SNTB2: variants seen among roughly 807,000 people sequenced by gnomAD.
SNTB2 encodes the protein syntrophin beta 2.
Under a neutral mutation model 46.2 loss-of-function variants are expected in SNTB2, and 34 were observed. The observed-to-expected ratio is 0.74, with a 90% CI of 0.56 to 0.98. The LOEUF (loss-of-function observed/expected upper bound fraction) is 0.98. Among genes scored for constraint, SNTB2 ranks in the 50% least tolerant of loss-of-function variants. The pLI, the probability that SNTB2 is intolerant of heterozygous loss-of-function variation, is 0.00. For missense variants in SNTB2, 603 were observed against 731.4 expected, an observed-to-expected ratio of 0.82 and a Z score of 2.02; for synonymous variants, 290 against 312.6, an observed-to-expected ratio of 0.93 and a Z score of 0.76.
intron 5 of SNTB2, among the ~76,000 whole-genome samples, chr16:69,297,871 G>A (rs1194877935): frequency 6.6e-6 from 1 of 152,016 alleles, no homozygotes; most frequent in East Asian, 1.9e-4. Context: ...CCGAGATCAC[G>A]CCACTGCACC....
At chr16:69,293,280 G>A (rs534227150) in intron 5 of SNTB2, among the ~76,000 whole-genome samples, 1 of 152,172 alleles carries the variant, frequency 6.6e-6, no homozygotes, top group African/African-American at 2.4e-5. Flanking sequence ...CCCAGAAGCT[G>A]TCTATCCATA....
chr16:69,190,417 C>T (rs890993741), intron 1 of SNTB2, among the ~76,000 whole-genome samples: 11 of 152,194 alleles, frequency 7.2e-5, no homozygotes, highest in African/African-American at 2.2e-4. Context: ...ATTCATTCAT[C>T]AGATATTTAC....
chr16:69,228,360 G>A (rs1039196791), intron 1 of SNTB2, among the ~76,000 whole-genome samples: 1 of 151,828 alleles, frequency 6.6e-6, no homozygotes, highest in African/African-American at 2.4e-5. Flanking sequence ...ACAAAAATTA[G>A]CCAGGCATGG....
intron 1 of SNTB2, among the ~76,000 whole-genome samples, chr16:69,240,067 C>G (rs936041268): frequency 6.6e-6 from 1 of 152,060 alleles, no homozygotes; most frequent in South Asian, 2.1e-4. Flanking sequence ...GTGGTACTTA[C>G]GAATAGAGCT....
chr16:69,193,578 C>G (rs1309587459), intron 1 of SNTB2, among the ~76,000 whole-genome samples: 2 of 151,998 alleles, frequency 1.3e-5, no homozygotes, highest in African/African-American at 4.8e-5. Flanking sequence ...ATCCGCCTGC[C>G]TCGGCCTCCC....
chr16:69,193,397 C>T (rs978962397), intron 1 of SNTB2, among the ~76,000 whole-genome samples: 5 of 135,274 alleles, frequency 3.7e-5, no homozygotes, highest in South Asian at 2.4e-4. Context: ...GGCACCATCT[C>T]GGCTCACTGC....
chr16:69,286,509 CCTCAT>C (rs1376439735), intron 5 of SNTB2, among the ~76,000 whole-genome samples: 1 of 151,894 alleles, frequency 6.6e-6, no homozygotes, highest in East Asian at 1.9e-4. Flanking sequence ...AGTGGTGAAA[CCTCAT>C]CTCTACTAAA....
intron 3 of SNTB2, among the ~76,000 whole-genome samples, chr16:69,262,034 C>T (rs1197195755): frequency 6.6e-6 from 1 of 152,020 alleles, no homozygotes; most frequent in Non-Finnish European, 1.5e-5. Context: ...TATGGCAAAA[C>T]CCCATCTCTA....
At chr16:69,198,857 G>A (rs1180094396) in intron 1 of SNTB2, among the ~76,000 whole-genome samples, 2 of 150,878 alleles carry the variant, frequency 1.3e-5, no homozygotes, top group African/African-American at 4.9e-5. Context: ...CTGACTGTAC[G>A]CAAATGCATG....
chr16:69,287,563 G>A (rs1965116240), intron 5 of SNTB2, among the ~76,000 whole-genome samples: 1 of 151,582 alleles, frequency 6.6e-6, no homozygotes, highest in Non-Finnish European at 1.5e-5. Flanking sequence ...GAGTGAGACT[G>A]TTTCCAAAAA....
rs568052229 is a variant in SNTB2, at chr16:69,249,896, C to T, written c.794+4081C>T. On this transcript the variant is annotated intron_variant, in intron 2 of 6. Transcript: ENST00000336278. ...GGTGGATCACTTGATATCAGGAGTT[C>T]GAGACCAGCCTGGCCAACATGGTGA... Among the ~76,000 whole-genome samples, 4 of 152,042 alleles carry T rather than the reference C, an allele frequency of 2.6e-5. No homozygotes were observed. The East Asian group carries it at 5.8e-4, about 22-fold the overall frequency.
chr16:69,245,049 G>A (rs1964655952), intron 1 of SNTB2, among the ~76,000 whole-genome samples: 1 of 152,170 alleles, frequency 6.6e-6, no homozygotes, highest in Non-Finnish European at 1.5e-5. Flanking sequence ...GTTCTATATG[G>A]CTTGAGAAGA....
At chr16:69,221,261 A>T (rs1003693318) in intron 1 of SNTB2, among the ~76,000 whole-genome samples, 12 of 152,140 alleles carry the variant, frequency 7.9e-5, no homozygotes, top group Non-Finnish European at 1.3e-4. Context: ...TTCCTTCTAA[A>T]CCTAAATTCC....
intron 1 of SNTB2, among the ~76,000 whole-genome samples, chr16:69,236,203 G>A (rs916328479): frequency 6.6e-6 from 1 of 152,160 alleles, no homozygotes; most frequent in African/African-American, 2.4e-5. Flanking sequence ...AGAAGAGATG[G>A]TTGGAAAGAT....
chr16:69,210,768 G>A (rs960439533), intron 1 of SNTB2, among the ~76,000 whole-genome samples: 14 of 152,238 alleles, frequency 9.2e-5, no homozygotes, highest in African/African-American at 2.9e-4. Context: ...TGAGGTGGGC[G>A]GATCCCCTGA....
chr16:69,222,320 C>T (rs978109805), intron 1 of SNTB2, among the ~76,000 whole-genome samples: 3 of 152,062 alleles, frequency 2.0e-5, no homozygotes, highest in Admixed American at 6.6e-5. Flanking sequence ...CAGCCTGGTG[C>T]GGTGACTCAT....
chr16:69,198,098 A>AT (rs34676761), intron 1 of SNTB2, among the ~76,000 whole-genome samples: 4,564 of 128,284 alleles, frequency 0.036, 81 homozygotes, highest in South Asian at 0.12. Flanking sequence ...AACAGAGTTG[A>AT]TTTTTTTTTT....
At chr16:69,276,369 G>A (rs1027561820) in intron 4 of SNTB2, among the ~76,000 whole-genome samples, 2 of 152,226 alleles carry the variant, frequency 1.3e-5, no homozygotes, top group African/African-American at 2.4e-5. Context: ...GCTGCTCAGC[G>A]AGAGTCCAGC....
intron 3 of SNTB2, 31 bp from the exon 4 acceptor site, chr16:69,270,112 C>G: frequency 6.2e-7 from 1 of 1,613,592 alleles, no homozygotes; most frequent in Non-Finnish European, 8.5e-7. Flanking sequence ...TTATAGTTAG[C>G]CCTGATTTCT....
Sources: allele counts gnomAD v4.1 joint callset (sites outside exome capture counted in the v4.1 genomes callset), GRCh38; gene constraint gnomAD v4.1.1; transcripts MANE v1.5; gene names NCBI Gene and HGNC (gene_info 2026-07-23, HGNC 2026-07-21).